NBPF8: variants seen among roughly 807,000 people sequenced by gnomAD.
NBPF8 encodes NBPF family member NBPF8.
intron 2 of NBPF8, among the ~76,000 whole-genome samples, chr1:120,426,614 AGTTC>A: frequency 7.0e-6 from 1 of 143,790 alleles, no homozygotes. Context: ...TTAAAGCATT[AGTTC>A]AACATGAAAA....
chr1:120,456,049 G>T (rs1661427226), intron 16 of NBPF8, among the ~76,000 whole-genome samples: 1 of 151,960 alleles, frequency 6.6e-6, no homozygotes. Context: ...TCAGGAGCAG[G>T]TTGTTCAGTT....
At chr1:120,462,842 C>T in exon 21 of NBPF8, 1 of 355,672 alleles carries the variant, frequency 2.8e-6, no homozygotes, top group Non-Finnish European at 4.8e-6. Flanking sequence ...TCTTGCAGGA[C>T]TCACTGGATA....
At chr1:120,450,276 T>A (rs1309839770) in intron 11 of NBPF8, among the ~76,000 whole-genome samples, 1 of 151,354 alleles carries the variant, frequency 6.6e-6, no homozygotes, top group Non-Finnish European at 1.5e-5. Context: ...AAGCAGAGAG[T>A]AGCTTGGTGA....
upstream of NBPF8, among the ~76,000 whole-genome samples, chr1:120,431,781 CTG>C (rs1176509727): frequency 1.3e-5 from 2 of 151,960 alleles, no homozygotes; most frequent in African/African-American, 2.4e-5. Context: ...AATTTACACA[CTG>C]TGTCTGCACA....
intron 15 of NBPF8, among the ~76,000 whole-genome samples, chr1:120,455,118 G>T (rs1383362012): frequency 0.48 from 72,151 of 149,446 alleles, 19,147 homozygotes; most frequent in African/African-American, 0.69. Context: ...AAAATTGTTT[G>T]ACCAATTTTT....
chr1:120,432,131 G>A (rs1439707612), upstream of NBPF8: 2 of 144,370 alleles, frequency 1.4e-5, no homozygotes, highest in East Asian at 4.1e-4. Flanking sequence ...AGGTGCTGGG[G>A]TCCCTTATCT....
chr1:120,431,656 C>A (rs1343909499), upstream of NBPF8, among the ~76,000 whole-genome samples: 1 of 150,190 alleles, frequency 6.7e-6, no homozygotes, highest in Non-Finnish European at 1.5e-5. Context: ...ATATAAAGCA[C>A]TTGGAAGTCT....
chr1:120,423,072 C>CTTGCTT (rs1660617470), intron 1 of NBPF8, among the ~76,000 whole-genome samples: 1 of 125,852 alleles, frequency 7.9e-6, no homozygotes, highest in Non-Finnish European at 1.6e-5. Context: ...CAGTCTGTGA[C>CTTGCTT]TTGCTTTTTC....
chr1:120,428,771 G>A (rs1660790347), intron 3 of NBPF8, among the ~76,000 whole-genome samples: 1 of 145,448 alleles, frequency 6.9e-6, no homozygotes, highest in Non-Finnish European at 1.5e-5. Flanking sequence ...CCATAACTGA[G>A]CGAGGCTGTA....
upstream of NBPF8, among the ~76,000 whole-genome samples, chr1:120,431,385 T>A (rs1272623471): frequency 1.5e-4 from 10 of 67,102 alleles, no homozygotes; most frequent in African/African-American, 6.8e-4. Context: ...TATATATATA[T>A]ATATATATAT....
At chr1:120,454,041 A>G in exon 15 of NBPF8, 1 of 1,613,124 alleles carries the variant, frequency 6.2e-7, no homozygotes, top group South Asian at 1.1e-5. Context: ...CATTTGAGGA[A>G]GACAAAGTCG....
At chr1:120,435,573 G>T (rs1661045806), upstream of NBPF8, among the ~76,000 whole-genome samples, 1 of 145,338 alleles carries the variant, frequency 6.9e-6, no homozygotes, top group Non-Finnish European at 1.5e-5. Context: ...GCCGGGCGCG[G>T]TGGCTCACGC....
chr1:120,421,405 TTCTC>T (rs1197401976), intron 1 of NBPF8, among the ~76,000 whole-genome samples: 5 of 151,074 alleles, frequency 3.3e-5, no homozygotes, highest in South Asian at 2.1e-4. Flanking sequence ...CCCACTCTTT[TTCTC>T]TCTCTCTTTA....
At chr1:120,469,564 T>C (rs1661859199), downstream of NBPF8, among the ~76,000 whole-genome samples, 1 of 152,004 alleles carries the variant, frequency 6.6e-6, no homozygotes, top group Admixed American at 6.6e-5. Flanking sequence ...AACTGCAGCT[T>C]ATATTTGTTC....
upstream of NBPF8, among the ~76,000 whole-genome samples, chr1:120,434,428 TAC>T (rs1661013877): frequency 1.4e-5 from 2 of 146,866 alleles, no homozygotes; most frequent in South Asian, 2.1e-4. Flanking sequence ...TATATATATA[TAC>T]GTGTGCCATG....
intron 1 of NBPF8, among the ~76,000 whole-genome samples, chr1:120,424,444 T>G: frequency 6.6e-6 from 1 of 152,022 alleles, no homozygotes; most frequent in South Asian, 2.1e-4. Flanking sequence ...GTGAACCGTC[T>G]TTATTTTATC....
chr1:120,421,561 T>G (rs1286992203), intron 1 of NBPF8, among the ~76,000 whole-genome samples: 2 of 148,802 alleles, frequency 1.3e-5, no homozygotes, highest in African/African-American at 4.9e-5. Context: ...CATTCTTTCC[T>G]TTCTTCCTTT....
chr1:120,419,585 A>T (rs1660517734), upstream of NBPF8, among the ~76,000 whole-genome samples: 2 of 152,138 alleles, frequency 1.3e-5, no homozygotes, highest in African/African-American at 4.8e-5. Flanking sequence ...CAACCTTCAG[A>T]GTAGCTGAGA....
intron 15 of NBPF8, 129 bp downstream of exon 13, chr1:120,454,243 G>T: frequency 6.4e-7 from 1 of 1,551,500 alleles, no homozygotes; most frequent in Non-Finnish European, 8.8e-7. Context: ...AGATATCAGG[G>T]AGTTTTTTTG....
Sources: allele counts gnomAD v4.1 joint callset (sites outside exome capture counted in the v4.1 genomes callset), GRCh38; gene constraint gnomAD v4.1.1; transcripts MANE v1.5; gene names NCBI Gene and HGNC (gene_info 2026-07-23, HGNC 2026-07-21).